The following RAMP1 variants were observed in gnomAD, a reference collection of about 807,000 sequenced individuals.
The protein encoded by RAMP1 is receptor activity modifying protein 1, also known as receptor activity-modifying protein 1.
RAMP1 carries 7 observed loss-of-function variants against 8.2 expected under a neutral mutation model. The observed-to-expected ratio is 0.85, with a 90% CI of 0.49 to 1.60. The LOEUF is 1.60. RAMP1 is among the 40% of genes most tolerant of loss of function. The pLI is 0.00. For missense variants in RAMP1, 192 were observed against 202.4 expected, an observed-to-expected ratio of 0.95 and a Z score of 0.31; for synonymous variants, 92 against 84.7, an observed-to-expected ratio of 1.09 and a Z score of -0.47.
intron 2 of RAMP1, among the ~76,000 whole-genome samples, chr2:237,886,063 G>A (rs1408650965): frequency 6.6e-6 from 1 of 152,210 alleles, no homozygotes; most frequent in African/African-American, 2.4e-5. Context: ...AGTGACACCA[G>A]TCTGGCTCCC....
At chr2:237,874,347 G>T (rs1179811002) in intron 1 of RAMP1, among the ~76,000 whole-genome samples, 1 of 152,256 alleles carries the variant, frequency 6.6e-6, no homozygotes, top group Non-Finnish European at 1.5e-5. Context: ...CGCTTCACTT[G>T]TTGGAGACCC....
At chr2:237,880,768 C>T (rs896244283) in intron 2 of RAMP1, among the ~76,000 whole-genome samples, 7 of 152,182 alleles carry the variant, frequency 4.6e-5, no homozygotes, top group African/African-American at 1.7e-4. Flanking sequence ...AGGCCCCACC[C>T]CCAGCATCAA....
intron 2 of RAMP1, among the ~76,000 whole-genome samples, chr2:237,887,080 C>T (rs1466679146): frequency 6.8e-6 from 1 of 147,936 alleles, no homozygotes; most frequent in Admixed American, 6.7e-5. Flanking sequence ...CTGGGCTGCC[C>T]ATGGGGAAGG....
Position 237,911,654 on chromosome 2 carries a change from C to A in RAMP1, c.318C>A (p.Ile106=). 2 of 1,614,138 alleles carry A rather than the reference C, an allele frequency of 1.2e-6. No individual in the cohort carries two copies. The highest frequency in any genetic ancestry group is 1.7e-6 in the Non-Finnish European group (2 of 1,180,016). ...GCCGCTACTTCAGGAGCTGCCCCAT[C>A]TCAGGCAGGGCCGTGCGGGACCCGC... The part of the protein sequence containing the change: ...VHGRYFRSCP[I]SGRAVRDPPG... The change falls in exon 3 of 3, where the codon ATC becomes ATA. Residue 106 remains isoleucine (I), a synonymous_variant. Transcript: ENST00000254661.
At chr2:237,900,451 G>A (rs1275405952) in intron 2 of RAMP1, among the ~76,000 whole-genome samples, 9 of 87,652 alleles carry the variant, frequency 1.0e-4, no homozygotes, top group East Asian at 4.1e-4. Context: ...GTGAGCCACC[G>A]CACCTGGCCT....
In RAMP1 at chr2:237,909,288, T is replaced by A. The variant is rs118123199; in HGVS notation, c.192-2240T>A. Among the ~76,000 whole-genome samples, 7 of 152,278 alleles carry A rather than the reference T, an allele frequency of 4.6e-5. No individual in the cohort carries two copies. In the East Asian group the frequency reaches 1.4e-3, roughly 29 times the overall value. On this transcript the variant is annotated intron_variant, in intron 2 of 2. Coordinates refer to ENST00000254661, the MANE Select transcript of RAMP1 (RefSeq NM_005855.4). ...GCCCTCCAGCCTTCCCAAACCTCCA[T>A]TTCCCTGTCTACAAAACAATGGGTA... is the stretch of plus-strand genomic sequence containing the variant.
intron 1 of RAMP1, among the ~76,000 whole-genome samples, chr2:237,870,673 T>C (rs2062236129): frequency 6.6e-6 from 1 of 152,160 alleles, no homozygotes. Flanking sequence ...TGACAATGTG[T>C]AGAGTTTTAC....
At chr2:237,909,620 C>G (rs2062689732) in intron 2 of RAMP1, among the ~76,000 whole-genome samples, 2 of 152,112 alleles carry the variant, frequency 1.3e-5, no homozygotes, top group Admixed American at 6.5e-5. Context: ...CTACCCACGG[C>G]CAGTGATGTC....
intron 2 of RAMP1, among the ~76,000 whole-genome samples, chr2:237,891,068 T>C (rs2062482625): frequency 6.6e-6 from 1 of 152,194 alleles, no homozygotes; most frequent in Admixed American, 6.5e-5. Flanking sequence ...TAAAGACATT[T>C]AAGGCTGTGA....
intron 1 of RAMP1, among the ~76,000 whole-genome samples, chr2:237,875,657 C>G (rs1042426772): frequency 6.6e-6 from 1 of 152,206 alleles, no homozygotes; most frequent in South Asian, 2.1e-4. Flanking sequence ...ATTCAACACA[C>G]CTGGCTCTTT....
intron 2 of RAMP1, among the ~76,000 whole-genome samples, chr2:237,911,089 TAGTCACACAC>T (rs1559178938): frequency 6.7e-6 from 1 of 149,614 alleles, no homozygotes; most frequent in Non-Finnish European, 1.5e-5. Context: ...CAGTTACACA[TAGTCACACAC>T]AGTCACACAC....
intron 2 of RAMP1, among the ~76,000 whole-genome samples, chr2:237,889,826 T>G (rs1224392440): frequency 6.6e-6 from 1 of 152,184 alleles, no homozygotes; most frequent in Non-Finnish European, 1.5e-5. Flanking sequence ...GAGGTCTCCC[T>G]ATGTTACCCA....
chr2:237,879,164 A>G (rs2062339588), intron 2 of RAMP1, among the ~76,000 whole-genome samples: 1 of 152,238 alleles, frequency 6.6e-6, no homozygotes, highest in South Asian at 2.1e-4. Flanking sequence ...GCATTTTATT[A>G]TGATCCAGGG....
Position 237,861,972 on chromosome 2 carries a change from G to A in RAMP1, c.52+2245G>A, listed in dbSNP as rs191452416. Among the ~76,000 whole-genome samples, 447 of 152,262 alleles carry A rather than the reference G, an allele frequency of 2.9e-3. 6 individuals carry two copies. The highest frequency in any genetic ancestry group is 0.01 in the African/African-American group (424 of 41,540). On this transcript the variant is annotated intron_variant, in intron 1 of 2. Transcript: ENST00000254661. ...AAAGTTTGTGTATAGACACCGAAAA[G>A]CTGTTCGTTAACCAGGAAAGAAGGA...
At chr2:237,861,036 C>T (rs747851966) in intron 1 of RAMP1, among the ~76,000 whole-genome samples, 1 of 152,154 alleles carries the variant, frequency 6.6e-6, no homozygotes, top group Non-Finnish European at 1.5e-5. Flanking sequence ...TCACTGTTTT[C>T]ATTTACTAAG....
chr2:237,891,154 CT>C lies in RAMP1; in HGVS notation c.191+13805del, dbSNP rs1169507970. ...ATGTCAGTTTTTTTCATTGTATTCT[CT>C]TTTTTTTTTTTTGAGACGGAGTCTC... On this transcript the variant is annotated intron_variant, in intron 2 of 2. Coordinates refer to ENST00000254661, the MANE Select transcript of RAMP1 (RefSeq NM_005855.4). Among the ~76,000 whole-genome samples, 1,271 of 143,634 alleles carry C rather than the reference CT, an allele frequency of 8.8e-3. 24 individuals carry two copies. The highest frequency in any genetic ancestry group is 0.029 in the African/African-American group (1,127 of 38,528). The allele number at this position is 143,634 out of a possible 152,430, so 94.2% of individuals were successfully genotyped here.
intron 1 of RAMP1, among the ~76,000 whole-genome samples, chr2:237,871,198 AG>A (rs1384785903): frequency 3.9e-5 from 6 of 152,294 alleles, no homozygotes; most frequent in African/African-American, 1.4e-4. Flanking sequence ...TTGGAATGAG[AG>A]GGTCTTGCCA....
At chr2:237,883,726 G>A (rs573057921) in intron 2 of RAMP1, among the ~76,000 whole-genome samples, 1 of 151,218 alleles carries the variant, frequency 6.6e-6, no homozygotes, top group South Asian at 2.1e-4. Context: ...TGAGGCGGGA[G>A]GATCACTCAA....
intron 2 of RAMP1, among the ~76,000 whole-genome samples, chr2:237,908,838 G>A (rs185378705): frequency 2.0e-5 from 3 of 152,274 alleles, no homozygotes; most frequent in East Asian, 3.9e-4. Context: ...TAGCCATGGT[G>A]TGTCTTTGTC....
Sources: allele counts gnomAD v4.1 joint callset (sites outside exome capture counted in the v4.1 genomes callset), GRCh38; gene constraint gnomAD v4.1.1; transcripts MANE v1.5; gene names NCBI Gene and HGNC (gene_info 2026-07-23, HGNC 2026-07-21).